The following FXR2 variants were observed in gnomAD, a reference collection of about 807,000 sequenced individuals.
FXR2 encodes FMR1 autosomal homolog 2, also known as RNA-binding protein FXR2.
FXR2 carries 9 observed loss-of-function variants against 87.3 expected under a neutral mutation model. The observed-to-expected ratio is 0.10, with a 90% CI of 0.06 to 0.18. FXR2 has a LOEUF of 0.18. Among genes scored for constraint, FXR2 ranks in the 10% least tolerant of loss-of-function variants. The pLI is 1.00. For missense variants in FXR2, 661 were observed against 893.6 expected (o/e 0.74, Z 3.32); for synonymous variants, 331 against 328.3 (o/e 1.01, Z -0.09).
rs1018623796 is a variant in FXR2, at chr17:7,614,516, G to A, written c.17C>T (p.Ser6Phe). The A allele has an allele frequency of 1.1e-5, 16 of 1,510,718 alleles. No individual in the cohort carries two copies. Among genetic ancestry groups the A allele is most frequent in the Non-Finnish European group, 1.1e-5 (13 of 1,132,800 alleles). The allele number at this position is 1,510,718 out of a possible 1,614,324, so 93.6% of individuals were successfully genotyped here. A position where few individuals can be genotyped will look rare whatever the true frequency, so the allele number is the denominator to read the frequency against. MGGLA[S>F]GGDVEPGLPV... is the part of the protein sequence containing the mutation. ...CAGTCCCGGCTCCACATCCCCCCCAGAGGCCAGGCCGCCCATGGCGCCGCC... is the reference window on the plus strand; with the variant it reads ...CAGTCCCGGCTCCACATCCCCCCCAAAGGCCAGGCCGCCCATGGCGCCGCC... Residue 6 changes from serine to phenylalanine, a missense_variant, in exon 1 of 17, where the codon TCT (serine) becomes TTT (phenylalanine). Around this residue, in one of 3 missense-constraint regions of FXR2, gnomAD observed 170 missense variants for 247.2 expected, o/e 0.69. Transcript: ENST00000250113.
chr17:7,606,060 AC>A, intron 2 of FXR2, 36 bp downstream of exon 2: 1 of 1,346,298 alleles, frequency 7.4e-7, no homozygotes, highest in Non-Finnish European at 1.0e-6. Flanking sequence ...TCCTTCTAGG[AC>A]CTAGTATGCT....
Position 7,593,539 on chromosome 17 carries a change from C to T in FXR2, c.1194G>A (p.Gly398=). 1 of 1,594,514 alleles carries T rather than the reference C, an allele frequency of 6.3e-7. No homozygotes were observed. The highest frequency in any genetic ancestry group is 8.5e-7 in the Non-Finnish European group (1 of 1,172,168). ...CCTTGTCGCTGCCACCGCTGCCCCG[C>T]CCACTCCCAGGAGGGCGAAAGCCCA... ...IGLGFRPPGS[G]RGSGGSDKAG... The change falls in exon 12 of 17, where the codon GGG becomes GGA. Residue 398 remains glycine (G), a synonymous_variant. Transcript: ENST00000250113. The surrounding 1 kb of genome is among the most constrained non-coding windows in gnomAD (Gnocchi z 6.1).
At chr17:7,606,907 C>T (rs2071807620) in intron 1 of FXR2, among the ~76,000 whole-genome samples, 1 of 152,144 alleles carries the variant, frequency 6.6e-6, no homozygotes, top group Admixed American at 6.5e-5. Flanking sequence ...CCCTATGCTC[C>T]CAATTTTTCT....
Position 7,614,885 on chromosome 17 carries a change from C to G in FXR2, c.-353G>C, listed in dbSNP as rs1455661736. ...CACAGCCTCCACCTCCCCCTGCCAC[C>G]GCCGCCTACTGCGCAGGCGCACCGG... On this transcript the variant is annotated 5_prime_UTR_variant, in exon 1 of 17. Coordinates refer to ENST00000250113, the MANE Select transcript of FXR2 (RefSeq NM_004860.4). 6.4e-6 allele frequency: 1 copy of G among 155,090 alleles called. No individual in the cohort carries two copies. The highest frequency in any genetic ancestry group is 1.9e-4 in the East Asian group (1 of 5,282). 9.6% of individuals were successfully genotyped at this position (155,090 alleles called of 1,614,324 possible).
chr17:7,591,558 A>T lies in FXR2; in HGVS notation c.*272T>A. On this transcript the variant is annotated 3_prime_UTR_variant, in exon 17 of 17. Transcript: ENST00000250113. The surrounding 1 kb of genome is among the most constrained non-coding windows in gnomAD (Gnocchi z 4.0). ...GGAGAATGGGGGTGTTCAGAGAGAG[A>T]TTGGGGCATTAGAGGATAAAGGCAC... The T allele has an allele frequency of 4.5e-6, 2 of 440,880 alleles. No homozygotes were observed. Among genetic ancestry groups the T allele is most frequent in the Non-Finnish European group, 8.4e-6 (2 of 237,344 alleles). The allele number at this position is 440,880 out of a possible 1,614,324, so 27.3% of individuals were successfully genotyped here.
chr17:7,600,081 A>T (rs1336409159), intron 7 of FXR2, among the ~76,000 whole-genome samples: 2 of 151,326 alleles, frequency 1.3e-5, no homozygotes, highest in African/African-American at 4.9e-5. Context: ...TAGTTTTAGT[A>T]GAGACGGGGT....
Position 7,594,563 on chromosome 17 carries a change from C to G in FXR2, c.910+116G>C. On this transcript the variant is annotated intron_variant, in intron 9 of 16. Transcript: ENST00000250113. This position sits in a 1 kb window ranked among gnomAD's most constrained non-coding sequence, Gnocchi z 5.1. ...ATCACTCCCATTACAGACTGTTTCTCTGTCCTTGTGAAACTGGGAGTCCAC... is the reference window on the plus strand; with the variant it reads ...ATCACTCCCATTACAGACTGTTTCTGTGTCCTTGTGAAACTGGGAGTCCAC... 1.3e-6 allele frequency: 1 copy of G among 772,708 alleles called. No individual in the cohort carries two copies. Among genetic ancestry groups the G allele is most frequent in the Admixed American group, 2.0e-5 (1 of 49,444 alleles). 47.9% of individuals were successfully genotyped at this position (772,708 alleles called of 1,614,324 possible).
At position 7,603,184 on chromosome 17, in the gene FXR2, TAA is replaced by T. The variant is rs373560232; in HGVS notation, c.450-184_450-183del. 9.6e-3 allele frequency among the ~76,000 whole-genome samples: 1,295 copies of T among 135,562 alleles called. 16 individuals carry two copies. The highest frequency in any genetic ancestry group is 0.032 in the African/African-American group (1,198 of 37,202). 88.9% of individuals were successfully genotyped at this position (135,562 alleles called of 152,430 possible). ...CAACATAGTGAGACCCTGTCTCTATTAAAAAAAAAAAAAAAAATTCAGAGAAG... is the reference window on the plus strand; with the variant it reads ...CAACATAGTGAGACCCTGTCTCTATTAAAAAAAAAAAAAAATTCAGAGAAG... On this transcript the variant is annotated intron_variant, in intron 5 of 16. Transcript: ENST00000250113.
rs755278128 is a variant in FXR2, at chr17:7,594,657, T to C, written c.910+22A>G. 4.7e-5 allele frequency: 68 copies of C among 1,436,818 alleles called. No homozygotes were observed. The allele number at this position is 1,436,818 out of a possible 1,614,324, so 89.0% of individuals were successfully genotyped here. A position where few individuals can be genotyped will look rare whatever the true frequency, so the allele number is the denominator to read the frequency against. On this transcript the variant is annotated intron_variant, in intron 9 of 16. Transcript: ENST00000250113. This position sits in a 1 kb window ranked among gnomAD's most constrained non-coding sequence, Gnocchi z 5.1. Reference sequence around the variant, plus strand: ...GAATCTTGATTCTGACCTCTAACTGTATATACACACCACCAACTCACCAAC... The same window carrying C: ...GAATCTTGATTCTGACCTCTAACTGCATATACACACCACCAACTCACCAAC...
Position 7,603,010 on chromosome 17 carries a change from G to C in FXR2, c.450-8C>G, listed in dbSNP as rs1401970129. 6.8e-7 allele frequency: 1 copy of C among 1,473,820 alleles called. No individual in the cohort carries two copies. Among genetic ancestry groups the C allele is most frequent in the Non-Finnish European group, 9.4e-7 (1 of 1,058,460 alleles). The allele number at this position is 1,473,820 out of a possible 1,614,324, so 91.3% of individuals were successfully genotyped here. A position where few individuals can be genotyped will look rare whatever the true frequency, so the allele number is the denominator to read the frequency against. On this transcript the variant is annotated splice_polypyrimidine_tract_variant and splice_region_variant and intron_variant, in intron 5 of 16. Transcript: ENST00000250113. ...ACGTTTTCATTGGAGCAGCTGCAGA[G>C]GAAAAAAGTACTCAGCGGGCAGAAT...
intron 5 of FXR2, 33 bp downstream of exon 5, chr17:7,603,724 A>G: frequency 6.2e-7 from 1 of 1,608,098 alleles, no homozygotes; most frequent in Non-Finnish European, 8.5e-7. Context: ...GGCTGTAAAG[A>G]GGGCCCTCAT....
At chr17:7,611,203 T>C (rs1355132107) in intron 1 of FXR2, among the ~76,000 whole-genome samples, 1 of 152,040 alleles carries the variant, frequency 6.6e-6, no homozygotes, top group East Asian at 1.9e-4. Context: ...GTCTTAAGCA[T>C]GATGACTGCG....
intron 7 of FXR2, 147 bp downstream of exon 7, chr17:7,601,262 G>A (rs1323624690): frequency 1.2e-5 from 7 of 594,540 alleles, no homozygotes; most frequent in Non-Finnish European, 2.2e-5. Context: ...ATCTGGAGGA[G>A]TCTGAGATAA....
intron 1 of FXR2, among the ~76,000 whole-genome samples, chr17:7,609,899 CATACATATATATGTATATATACATGTAT>C (rs1361652452): frequency 1.3e-4 from 18 of 137,312 alleles, no homozygotes; most frequent in African/African-American, 4.7e-4. Flanking sequence ...TATATATACA[CATACATATATATGTATATATACATGTAT>C]ATGTATATAT....
Position 7,592,808 on chromosome 17 carries a change from G to A in FXR2, c.1615C>T (p.Pro539Ser), listed in dbSNP as rs761510646. The part of the protein sequence containing the change: ...PPVDSEPGEP[P>S]PASARRRRSR... Reference sequence around the variant, plus strand: ...CGGCGGCGCCTGGCACTTGCTGGGGGGGGTTCCCCAGGTTCTGAATCAACC... The same window carrying A: ...CGGCGGCGCCTGGCACTTGCTGGGGAGGGTTCCCCAGGTTCTGAATCAACC... Residue 539 changes from proline (P) to serine (S), a missense_variant, in exon 14 of 17, where the codon CCC becomes TCC. Transcript: ENST00000250113. The surrounding 1 kb of genome is among the most constrained non-coding windows in gnomAD (Gnocchi z 4.8). 1.2e-6 allele frequency: 2 copies of A among 1,613,460 alleles called. No individual in the cohort carries two copies. Among genetic ancestry groups the A allele is most frequent in the Non-Finnish European group, 1.7e-6 (2 of 1,179,672 alleles).
chr17:7,607,965 A>G (rs1272558879), intron 1 of FXR2, among the ~76,000 whole-genome samples: 1 of 151,378 alleles, frequency 6.6e-6, no homozygotes, highest in Non-Finnish European at 1.5e-5. Context: ...CTAATTCTGT[A>G]TTTTTAAGAG....
intron 6 of FXR2, 128 bp downstream of exon 6, chr17:7,602,781 G>T: frequency 1.7e-6 from 1 of 602,930 alleles, no homozygotes. Flanking sequence ...GGAGTCAGGA[G>T]CAATAAAGTC....
At position 7,594,508 on chromosome 17, in the gene FXR2, C is replaced by T; in HGVS notation, c.911-161G>A. The T allele has an allele frequency of 1.5e-6, 1 of 669,702 alleles. No individual in the cohort carries two copies. Among genetic ancestry groups the T allele is most frequent in the Non-Finnish European group, 2.6e-6 (1 of 380,412 alleles). The allele number at this position is 669,702 out of a possible 1,614,324, so 41.5% of individuals were successfully genotyped here. A position where few individuals can be genotyped will look rare whatever the true frequency, so the allele number is the denominator to read the frequency against. ...TGTGTTTTTACAGGACAAAATGTTACAATCCCTAGAAATTTATTCTTTCAT... is the reference window on the plus strand; with the variant it reads ...TGTGTTTTTACAGGACAAAATGTTATAATCCCTAGAAATTTATTCTTTCAT... On this transcript the variant is annotated intron_variant, in intron 9 of 16. Coordinates refer to ENST00000250113, the MANE Select transcript of FXR2 (RefSeq NM_004860.4). This position sits in a 1 kb window ranked among gnomAD's most constrained non-coding sequence, Gnocchi z 5.1.
intron 7 of FXR2, among the ~76,000 whole-genome samples, chr17:7,596,767 A>G (rs1372194797): frequency 6.6e-6 from 1 of 152,212 alleles, no homozygotes; most frequent in African/African-American, 2.4e-5. Context: ...AATCAAACAA[A>G]TATCAACTCA....
Sources: allele counts gnomAD v4.1 joint callset (sites outside exome capture counted in the v4.1 genomes callset), GRCh38; gene constraint gnomAD v4.1.1; regional missense constraint gnomAD v4.1.1; non-coding constraint Gnocchi (gnomAD v3.1); transcripts MANE v1.5; gene names NCBI Gene and HGNC (gene_info 2026-07-23, HGNC 2026-07-21).